COL23A1: variants seen among roughly 807,000 people sequenced by gnomAD.
COL23A1 encodes the protein collagen type XXIII alpha 1 chain.
A neutral mutation model predicts 99.3 loss-of-function variants in COL23A1; 97 were observed. The observed-to-expected ratio is 0.98, with a 90% CI of 0.83 to 1.16. The LOEUF (loss-of-function observed/expected upper bound fraction) is 1.16. Among genes scored for constraint, COL23A1 ranks in the 50% most tolerant of loss-of-function variants. COL23A1 has a pLI of 0.00. For missense variants in COL23A1, 762 were observed against 757.4 expected (o/e 1.01, Z -0.07); for synonymous variants, 320 against 308.2 (o/e 1.04, Z -0.40).
At chr5:178,265,587 C>T in intron 8 of COL23A1, 2 of 801,716 alleles carry the variant, frequency 2.5e-6, no homozygotes, top group Non-Finnish European at 3.0e-6. Context: ...TCTAACCCTG[C>T]AAACGTGGGG....
chr5:178,253,552 A>G (rs1015960363), intron 16 of COL23A1, among the ~76,000 whole-genome samples: 2 of 151,674 alleles, frequency 1.3e-5, no homozygotes, highest in Non-Finnish European at 2.9e-5. Context: ...GTGCGATCTC[A>G]GTTCACCACA....
intron 2 of COL23A1, among the ~76,000 whole-genome samples, chr5:178,338,780 C>A (rs1760496020): frequency 1.3e-5 from 2 of 152,216 alleles, no homozygotes; most frequent in African/African-American, 4.8e-5. Context: ...AGATCCAGGG[C>A]ATCAGAAGAG....
intron 2 of COL23A1, among the ~76,000 whole-genome samples, chr5:178,345,598 G>T (rs1760921745): frequency 6.6e-6 from 1 of 151,394 alleles, no homozygotes; most frequent in African/African-American, 2.4e-5. Flanking sequence ...CTCACTGCAA[G>T]CTCCGCCTCC....
At chr5:178,576,556 C>T (rs1393714817) in intron 1 of COL23A1, among the ~76,000 whole-genome samples, 1 of 152,204 alleles carries the variant, frequency 6.6e-6, no homozygotes, top group Non-Finnish European at 1.5e-5. Context: ...TTCAAAGACA[C>T]ACACGGCTTC....
chr5:178,348,192 C>T (rs935200266), intron 2 of COL23A1, among the ~76,000 whole-genome samples: 3 of 152,108 alleles, frequency 2.0e-5, no homozygotes, highest in Non-Finnish European at 4.4e-5. Context: ...CTCCACCTGC[C>T]GCCCAGGGCT....
intron 2 of COL23A1, among the ~76,000 whole-genome samples, chr5:178,442,141 C>G (rs969996609): frequency 2.6e-5 from 4 of 151,962 alleles, no homozygotes; most frequent in African/African-American, 9.7e-5. Context: ...TCCTCTTCCC[C>G]TTGGCCAAGG....
At chr5:178,537,585 CT>C (rs1403865038) in intron 2 of COL23A1, among the ~76,000 whole-genome samples, 1 of 152,204 alleles carries the variant, frequency 6.6e-6, no homozygotes, top group Non-Finnish European at 1.5e-5. Context: ...AGGGCCGGAC[CT>C]GTCCCTCTCT....
rs1758351824 is a variant in COL23A1 at position 178,306,338 on chromosome 5, C to T, written c.406+537G>A. Among the ~76,000 whole-genome samples the T allele has an allele frequency of 6.7e-6, 1 of 149,930 alleles. No homozygotes were observed. The highest frequency in any genetic ancestry group is 1.5e-5 in the Non-Finnish European group (1 of 67,396). On this transcript the variant is annotated intron_variant, in intron 3 of 28. Coordinates refer to ENST00000390654, the MANE Select transcript of COL23A1 (RefSeq NM_173465.4). This position sits in a 1 kb window ranked among gnomAD's most constrained non-coding sequence, Gnocchi z 4.1. ...TAGGGAAGTCCCTGGGCGAAGGGGG[C>T]AATCTGCTGGGGACTGGGTAGGGGG... is the stretch of plus-strand genomic sequence containing the variant.
intron 2 of COL23A1, among the ~76,000 whole-genome samples, chr5:178,437,557 T>A (rs1291459701): frequency 6.6e-6 from 1 of 152,190 alleles, no homozygotes; most frequent in Non-Finnish European, 1.5e-5. Flanking sequence ...CCAGCCGCTA[T>A]CTGCCCAGCA....
In COL23A1 at chr5:178,308,186, A is replaced by AG. The variant is rs1482746807; in HGVS notation, c.362-1268dup. Among the ~76,000 whole-genome samples, 1 of 151,752 alleles carries AG rather than the reference A, an allele frequency of 6.6e-6. No individual in the cohort carries two copies. The highest frequency in any genetic ancestry group is 2.4e-5 in the African/African-American group (1 of 41,264). ...TTTTGTTAAGGGAAGGGGAGGAGGG[A>AG]GGGCCAGTCTCTGAGAAACAGCGAG... On this transcript the variant is annotated intron_variant, in intron 2 of 28. Coordinates refer to ENST00000390654, the MANE Select transcript of COL23A1 (RefSeq NM_173465.4). This position sits in a 1 kb window ranked among gnomAD's most constrained non-coding sequence, Gnocchi z 5.1.
Position 178,371,692 on chromosome 5 carries a change from C to T in COL23A1, c.362-64773G>A, listed in dbSNP as rs550223739. Among the ~76,000 whole-genome samples the T allele has an allele frequency of 7.9e-4, 121 of 152,286 alleles. No homozygotes were observed. The Middle Eastern group carries it at 0.024, about 30-fold the overall frequency. ...AGTTCTCCCTCCTGTGACAGGGCAG[C>T]CCTGTCCGCGGTCCCTCTTCCCGAT... On this transcript the variant is annotated intron_variant, in intron 2 of 28. Transcript: ENST00000390654.
chr5:178,453,050 C>G (rs1265797075), intron 2 of COL23A1, among the ~76,000 whole-genome samples: 1 of 152,164 alleles, frequency 6.6e-6, no homozygotes, highest in African/African-American at 2.4e-5. Flanking sequence ...AGGGCACATC[C>G]ATGCCAAGGA....
chr5:178,368,515 G>A lies in COL23A1; in HGVS notation c.362-61596C>T, dbSNP rs548650850. On this transcript the variant is annotated intron_variant, in intron 2 of 28. Transcript: ENST00000390654. ...ATACATCCTGTGGGTTTGGACGACT[G>A]TGTAATGACACGTAGCCACCGCTAT... Among the ~76,000 whole-genome samples the A allele has an allele frequency of 5.9e-5, 9 of 152,298 alleles. No homozygotes were observed. The South Asian group carries it at 1.5e-3, about 25-fold the overall frequency.
rs75202239 is a variant in COL23A1 at position 178,525,020 on chromosome 5, G to A, written c.361+35662C>T. Among the ~76,000 whole-genome samples, 800 of 151,868 alleles carry A rather than the reference G, an allele frequency of 5.3e-3. 9 individuals are homozygous for A. The highest frequency in any genetic ancestry group is 0.018 in the African/African-American group (758 of 41,164). ...AGGGCAACAAGAGGTTAAATAACTC[G>A]GCTAAGCTCACATGGCTGGTAAGAA... On this transcript the variant is annotated intron_variant, in intron 2 of 28. Coordinates refer to ENST00000390654, the MANE Select transcript of COL23A1 (RefSeq NM_173465.4).
At chr5:178,573,653 A>T (rs571984444) in intron 1 of COL23A1, among the ~76,000 whole-genome samples, 1 of 152,246 alleles carries the variant, frequency 6.6e-6, no homozygotes, top group African/African-American at 2.4e-5. Context: ...AAATATTCAC[A>T]GCAGTTTTAT....
intron 2 of COL23A1, among the ~76,000 whole-genome samples, chr5:178,405,456 T>A (rs954931435): frequency 6.6e-6 from 1 of 152,244 alleles, no homozygotes; most frequent in African/African-American, 2.4e-5. Flanking sequence ...GCTTAAACAC[T>A]TTCATTATTA....
At chr5:178,277,145 T>C (rs1022387469) in intron 5 of COL23A1, among the ~76,000 whole-genome samples, 8 of 151,520 alleles carry the variant, frequency 5.3e-5, no homozygotes, top group African/African-American at 1.9e-4. Flanking sequence ...GTAGGAGGAT[T>C]ACCCTGGCTC....
Position 178,263,263 on chromosome 5 carries a change from C to CA in COL23A1, c.583_584insT (p.Arg195LeufsTer42), listed in dbSNP as rs1049624701. ...TTTCCCAGTGTCGCCAGGAGGGCCC[C>CA]GGGCCCCAGGAGGTCCAGGGGGCCC... On this transcript the variant is annotated frameshift_variant, in exon 9 of 29. Coordinates refer to ENST00000390654, the MANE Select transcript of COL23A1 (RefSeq NM_173465.4). LOFTEE classifies it high-confidence loss of function. 32 of 1,613,032 alleles carry CA rather than the reference C, an allele frequency of 2.0e-5. No homozygotes were observed. Among genetic ancestry groups the CA allele is most frequent in the African/African-American group, 2.7e-5 (2 of 74,830 alleles).
At chr5:178,451,008 T>C (rs1403808242) in intron 2 of COL23A1, among the ~76,000 whole-genome samples, 1 of 152,200 alleles carries the variant, frequency 6.6e-6, no homozygotes, top group African/African-American at 2.4e-5. Flanking sequence ...TCAGCACAAA[T>C]AGAATAAAGA....
Sources: allele counts gnomAD v4.1 joint callset (sites outside exome capture counted in the v4.1 genomes callset), GRCh38; gene constraint gnomAD v4.1.1; non-coding constraint Gnocchi (gnomAD v3.1); transcripts MANE v1.5; gene names NCBI Gene and HGNC (gene_info 2026-07-23, HGNC 2026-07-21).